The following ZNF44 variants were observed in gnomAD, a reference collection of about 807,000 sequenced individuals.
The protein encoded by ZNF44 is zinc finger protein 44, also known as gonadotropin inducible transcription repressor-2.
A neutral mutation model predicts 11.7 loss-of-function variants in ZNF44; 9 were observed. That is an observed-to-expected ratio of 0.77 (90% confidence interval 0.46 to 1.35). ZNF44 has a LOEUF of 1.35. ZNF44 is among the 40% of genes most tolerant of loss of function. The pLI, the probability that ZNF44 is intolerant of heterozygous loss-of-function variation, is 0.00. For missense variants in ZNF44, 696 were observed against 743.1 expected, an observed-to-expected ratio of 0.94 and a Z score of 0.74; for synonymous variants, 224 against 242.7, an observed-to-expected ratio of 0.92 and a Z score of 0.72.
At chr19:12,265,835 G>T (rs1282349050) in intron 5 of ZNF44, among the ~76,000 whole-genome samples, 2 of 152,172 alleles carry the variant, frequency 1.3e-5, no homozygotes, top group Non-Finnish European at 2.9e-5. Context: ...CCTAAAAGTC[G>T]TCGAGAGGGT....
chr19:12,250,119 C>A (rs1916932158), intron 6 of ZNF44: 2 of 1,242,182 alleles, frequency 1.6e-6, no homozygotes, highest in Non-Finnish European at 2.1e-6. Flanking sequence ...CCATATGTGA[C>A]CATGCCTGAT....
exon 8 of ZNF44, chr19:12,248,308 CATGT>C: frequency 1.5e-6 from 2 of 1,294,988 alleles, no homozygotes; most frequent in Non-Finnish European, 2.0e-6. Flanking sequence ...TGAGTCCTTC[CATGT>C]ATTTGGAAAG....
At chr19:12,268,205 C>G (rs1029754586), downstream of ZNF44, among the ~76,000 whole-genome samples, 2 of 151,164 alleles carry the variant, frequency 1.3e-5, no homozygotes, top group Non-Finnish European at 2.9e-5. Flanking sequence ...ACCCCAGTCA[C>G]AAAGATACTC....
intron 1 of ZNF44, among the ~76,000 whole-genome samples, chr19:12,280,632 T>A (rs1967440814): frequency 6.6e-6 from 1 of 152,094 alleles, no homozygotes; most frequent in Admixed American, 6.5e-5. Flanking sequence ...ATGTGTATTA[T>A]CTATATTCAC....
At chr19:12,275,122 GATTC>G in intron 2 of ZNF44, 89 bp from the exon 3 acceptor site, 1 of 934,718 alleles carries the variant, frequency 1.1e-6, no homozygotes, top group Non-Finnish European at 1.5e-6. Flanking sequence ...AATCATGTAT[GATTC>G]ATTCATTGAA....
rs11882046 is a variant in ZNF44 at position 12,275,033 on chromosome 19, C to G, written c.131G>C (p.Gly44Ala). Residue 44 changes from glycine (G) to alanine (A), a missense_variant and splice_region_variant, in exon 3 of 4, where the codon GGA (glycine) becomes GCA (alanine). Gly to Ala is a moderately conservative substitution (Grantham distance 60). Coordinates refer to ENST00000355684, the MANE Select transcript of ZNF44 (RefSeq NM_016264.4). ...RETIRNLNCI[G>A]MKWENQNIDD... ...AATGTTCTGGTTTTCCCATTTCATT[C>G]CTAAAAGAGAGATCCAGAAAATTCA... The G allele has an allele frequency of 0.026, 40,085 of 1,566,924 alleles. 615 individuals are homozygous for G. Among genetic ancestry groups the G allele is most frequent in the African/African-American group, 0.036 (2,640 of 72,464 alleles).
chr19:12,227,162 G>A (rs900862765), intron 3 of ZNF44, among the ~76,000 whole-genome samples: 1 of 152,236 alleles, frequency 6.6e-6, no homozygotes, highest in African/African-American at 2.4e-5. Context: ...CTTTTTAAGA[G>A]TTCTGAACGT....
downstream of ZNF44, among the ~76,000 whole-genome samples, chr19:12,271,064 A>C (rs545964039): frequency 1.3e-5 from 2 of 151,366 alleles, no homozygotes; most frequent in South Asian, 2.1e-4. Flanking sequence ...GATGATGATG[A>C]TGATGCTGCT....
intron 5 of ZNF44, among the ~76,000 whole-genome samples, chr19:12,265,768 T>TA (rs917601672): frequency 6.6e-6 from 1 of 152,326 alleles, no homozygotes; most frequent in East Asian, 1.9e-4. Context: ...AAATTAAATC[T>TA]AAAAGACTAA....
intron 5 of ZNF44, among the ~76,000 whole-genome samples, chr19:12,262,068 T>G (rs999067199): frequency 2.0e-5 from 3 of 152,130 alleles, no homozygotes; most frequent in African/African-American, 4.8e-5. Context: ...AATTGCATCA[T>G]ATTTTATCTT....
chr19:12,285,318 C>T (rs1967685958), intron 1 of ZNF44: 3 of 207,670 alleles, frequency 1.4e-5, no homozygotes, highest in Non-Finnish European at 2.9e-5. Context: ...TGCAAAGACG[C>T]GATCTCGGCT....
rs386901 is a variant in ZNF44, at chr19:12,294,737, T to C, written c.-43A>G. On this transcript the variant is annotated 5_prime_UTR_variant, in exon 1 of 4. Transcript: ENST00000355684. ...TCCCGGGTCCTCCCAACTCCCGTAG[T>C]CAGGGTAGGTCCCAGCGCGACAAAA... 0.33 allele frequency: 511,138 copies of C among 1,546,470 alleles called. 88,609 individuals are homozygous for C. The highest frequency in any genetic ancestry group is 0.63 in the African/African-American group (45,272 of 72,240).
chr19:12,228,482 A>G (rs1010120468), intron 3 of ZNF44, among the ~76,000 whole-genome samples: 2 of 152,192 alleles, frequency 1.3e-5, no homozygotes, highest in Non-Finnish European at 2.9e-5. Context: ...TTGTACAGGT[A>G]AGAGTTATAG....
chr19:12,254,578 C>CA (rs966721914), intron 5 of ZNF44, among the ~76,000 whole-genome samples: 16 of 151,960 alleles, frequency 1.1e-4, no homozygotes, highest in Middle Eastern at 3.4e-3. Flanking sequence ...ACTAAAAATA[C>CA]AAAAAAATCA....
downstream of ZNF44, among the ~76,000 whole-genome samples, chr19:12,269,380 G>T (rs1966889361): frequency 6.6e-6 from 1 of 152,152 alleles, no homozygotes; most frequent in African/African-American, 2.4e-5. Context: ...AAATTAGCCA[G>T]GCATGGCGGC....
chr19:12,274,342 G>A (rs567632517), intron 3 of ZNF44, among the ~76,000 whole-genome samples: 310 of 143,722 alleles, frequency 2.2e-3, no homozygotes, highest in African/African-American at 7.2e-3. Context: ...GTGCTGTCTC[G>A]GCTTGCTGCA....
intron 5 of ZNF44, among the ~76,000 whole-genome samples, chr19:12,261,832 C>T (rs1917521922): frequency 6.6e-6 from 1 of 152,070 alleles, no homozygotes; most frequent in South Asian, 2.1e-4. Context: ...GTTTTCTCAA[C>T]CCACACTTTC....
rs184149183 is a variant in ZNF44 at position 12,265,092 on chromosome 19, C to T, written c.1912+7395G>A. ...CTTGAAATCAACCAAAAGAAAAAAA[C>T]GAGCCTCAGAAACTTAGAAGAAAAA... On this transcript the variant is annotated intron_variant and NMD_transcript_variant, in intron 5 of 7. Transcript: ENST00000393337. 3.6e-3 allele frequency among the ~76,000 whole-genome samples: 543 copies of T among 152,096 alleles called. 1 individual carries two copies. The highest frequency in any genetic ancestry group is 5.2e-3 in the Non-Finnish European group (354 of 67,982).
chr19:12,226,339 C>T (rs1915918023), exon 4 of ZNF44: 1 of 152,170 alleles, frequency 6.6e-6, no homozygotes, highest in Non-Finnish European at 1.5e-5. Context: ...CTTGGGACTC[C>T]TGGCCTGTCA....
Sources: gnomAD v4.1 joint callset for allele counts (sites outside exome capture counted in the v4.1 genomes callset) on GRCh38, gnomAD v4.1.1 for gene constraint, MANE v1.5 for transcripts, NCBI Gene and HGNC (gene_info 2026-07-23, HGNC 2026-07-21) for gene names.